UPB1: variants seen among roughly 807,000 people sequenced by gnomAD.
UPB1 encodes beta-ureidopropionase.
A neutral mutation model predicts 49.1 loss-of-function variants in UPB1; 40 were observed. That is an observed-to-expected ratio of 0.81 (90% CI 0.63 to 1.06). UPB1 has a LOEUF of 1.06. Ranked by LOEUF, UPB1 falls within the 50% of genes least tolerant of loss-of-function variation. The pLI is 0.00. For missense variants in UPB1, 499 were observed against 505.9 expected (o/e 0.99, Z 0.13); for synonymous variants, 207 against 198.2 (o/e 1.04, Z -0.38).
chr22:24,523,176 C>T (rs948577989), intron 8 of UPB1, among the ~76,000 whole-genome samples: 3 of 152,144 alleles, frequency 2.0e-5, no homozygotes, highest in Non-Finnish European at 4.4e-5. Context: ...CCCACCTGCT[C>T]CTTACACATG....
chr22:24,511,229 T>C (rs1256168628), intron 4 of UPB1, among the ~76,000 whole-genome samples: 2 of 152,214 alleles, frequency 1.3e-5, no homozygotes, highest in African/African-American at 4.8e-5. Flanking sequence ...CTTCGATGCA[T>C]GGCCTGTGTC....
chr22:24,516,992 G>T (rs1244226827), intron 6 of UPB1, among the ~76,000 whole-genome samples: 1 of 152,164 alleles, frequency 6.6e-6, no homozygotes, highest in Non-Finnish European at 1.5e-5. Flanking sequence ...CCAAAGTGCT[G>T]GGATTACAAG....
chr22:24,500,141 G>A lies in UPB1; in HGVS notation c.139G>A (p.Ala47Thr). 1 of 1,614,218 alleles carries A rather than the reference G, an allele frequency of 6.2e-7. No individual in the cohort carries two copies. The highest frequency in any genetic ancestry group is 8.5e-7 in the Non-Finnish European group (1 of 1,180,048). Residue 47 changes from alanine (A) to threonine (T), a missense_variant, in exon 2 of 10, where the codon GCC becomes ACC. Ala to Thr is a moderately conservative substitution (Grantham distance 58). Coordinates refer to ENST00000326010, the MANE Select transcript of UPB1 (RefSeq NM_016327.3). ...LDLPREAFEAASREDFELQGY... is the reference protein window; with the variant it reads ...LDLPREAFEATSREDFELQGY... ...TCTGCCCAGGGAAGCTTTCGAAGCT[G>A]CCTCCAGAGAAGACTTTGAACTGCA...
At chr22:24,495,565 G>C (rs369015583) in intron 1 of UPB1, 58 bp downstream of exon 1, 10 of 1,593,716 alleles carry the variant, frequency 6.3e-6, no homozygotes, top group African/African-American at 2.7e-5. Context: ...GTGGGTCTGG[G>C]GGAGCAGGCA....
At chr22:24,511,773 C>T (rs1485450556) in intron 4 of UPB1, among the ~76,000 whole-genome samples, 3 of 23,496 alleles carry the variant, frequency 1.3e-4, no homozygotes, top group African/African-American at 1.9e-4. Flanking sequence ...GCCACCATGC[C>T]TGGCTAATTT....
chr22:24,510,760 G>A lies in UPB1; in HGVS notation c.376G>A (p.Ala126Thr). ...CFQEAWTMPF[A>T]FCTREKLPWT... ...TCTCCTATTTATAGCTATGCCCTTT[G>A]CCTTCTGTACGAGAGAGAAGCTTCC... The change falls in exon 4 of 10, where the codon GCC becomes ACC. Residue 126 changes from alanine (A) to threonine (T), a missense_variant. By Grantham distance (58) the Ala-to-Thr change is moderately conservative. Transcript: ENST00000326010. 1 of 1,614,130 alleles carries A rather than the reference G, an allele frequency of 6.2e-7. No homozygotes were observed.
intron 1 of UPB1, among the ~76,000 whole-genome samples, chr22:24,499,898 A>G (rs971966903): frequency 1.3e-5 from 2 of 152,096 alleles, no homozygotes; most frequent in Non-Finnish European, 1.5e-5. Context: ...CTCCCTGCCA[A>G]TTGCAGGTAA....
At chr22:24,501,622 A>G (rs2043995353) in intron 2 of UPB1, among the ~76,000 whole-genome samples, 2 of 152,230 alleles carry the variant, frequency 1.3e-5, no homozygotes, top group Admixed American at 6.5e-5. Flanking sequence ...AGGGAAGTAC[A>G]TTCCTGGCCC....
chr22:24,521,937 A>C, intron 7 of UPB1, 49 bp from the exon 8 acceptor site: 1 of 1,594,700 alleles, frequency 6.3e-7, no homozygotes, highest in South Asian at 1.1e-5. Context: ...GAATGAGTGT[A>C]GTGGTAGTGC....
chr22:24,512,421 G>A (rs888152234), intron 4 of UPB1, among the ~76,000 whole-genome samples: 4 of 152,184 alleles, frequency 2.6e-5, no homozygotes, highest in Non-Finnish European at 5.9e-5. Flanking sequence ...CCGCTGGGCT[G>A]CTCATCCTGT....
chr22:24,513,619 A>G, intron 5 of UPB1, 134 bp downstream of exon 5: 2 of 1,280,648 alleles, frequency 1.6e-6, no homozygotes, highest in Admixed American at 2.0e-5. Flanking sequence ...ACGGGAGCAC[A>G]GTGTGGCTGC....
chr22:24,504,612 T>C (rs1222146863), intron 3 of UPB1, among the ~76,000 whole-genome samples: 1 of 152,160 alleles, frequency 6.6e-6, no homozygotes, highest in Non-Finnish European at 1.5e-5. Flanking sequence ...GGAAATGTTC[T>C]TGCATTATTT....
At chr22:24,525,246 T>C (rs5996712) in intron 9 of UPB1, among the ~76,000 whole-genome samples, 25,095 of 151,990 alleles carry the variant, frequency 0.17, 2,191 homozygotes, top group South Asian at 0.27. Context: ...GTGTGAGCAC[T>C]GTGGGTGGGC....
chr22:24,495,397 C>G lies in UPB1; in HGVS notation c.-7C>G, dbSNP rs200677387. ...TGCGCGGACACAAGCACTGGCGGAC[C>G]GTGGCCATGGCGGGCGCTGAGTGGA... On this transcript the variant is annotated 5_prime_UTR_variant, in exon 1 of 10. Coordinates refer to ENST00000326010, the MANE Select transcript of UPB1 (RefSeq NM_016327.3). 3,323 of 1,612,786 alleles carry G rather than the reference C, an allele frequency of 2.1e-3. 7 individuals are homozygous for G. The highest frequency in any genetic ancestry group is 2.6e-3 in the Non-Finnish European group (3,068 of 1,179,978).
chr22:24,521,179 C>CAAAA (rs34276962), intron 7 of UPB1, among the ~76,000 whole-genome samples: 6,236 of 62,386 alleles, frequency 0.1, 372 homozygotes, highest in South Asian at 0.17. Context: ...GAGACTCTGT[C>CAAAA]AAAAAAAAAA....
intron 1 of UPB1, among the ~76,000 whole-genome samples, chr22:24,498,658 G>A (rs2043934474): frequency 6.6e-6 from 1 of 152,186 alleles, no homozygotes; most frequent in Admixed American, 6.5e-5. Flanking sequence ...GGTAGGTAAT[G>A]GAGGTTGTGC....
intron 5 of UPB1, among the ~76,000 whole-genome samples, chr22:24,513,916 A>C (rs2044249420): frequency 6.6e-6 from 1 of 152,220 alleles, no homozygotes; most frequent in South Asian, 2.1e-4. Context: ...TCTGTGGATC[A>C]TGGGGGGGTC....
intron 4 of UPB1, among the ~76,000 whole-genome samples, chr22:24,511,369 A>G (rs767290051): frequency 2.0e-5 from 3 of 152,156 alleles, no homozygotes; most frequent in Non-Finnish European, 2.9e-5. Context: ...AGTGGTGGCT[A>G]AGGGCTGGGG....
chr22:24,498,173 C>T (rs558656564), intron 1 of UPB1, among the ~76,000 whole-genome samples: 1 of 152,330 alleles, frequency 6.6e-6, no homozygotes. Flanking sequence ...AGCATGCCCT[C>T]TTGGTCTTTT....
Sources: allele counts gnomAD v4.1 joint callset (sites outside exome capture counted in the v4.1 genomes callset), GRCh38; gene constraint gnomAD v4.1.1; transcripts MANE v1.5; gene names NCBI Gene and HGNC (gene_info 2026-07-23, HGNC 2026-07-21).